MCTP2: variants seen among roughly 807,000 people sequenced by gnomAD.
MCTP2 encodes multiple C2 and transmembrane domain-containing protein 2.
Under a neutral mutation model 111.6 loss-of-function variants are expected in MCTP2, and 132 were observed. The observed-to-expected ratio is 1.18, with a 90% CI of 1.03 to 1.37. The LOEUF is 1.37. MCTP2 is among the 40% of genes most tolerant of loss of function. The pLI is 0.00. For synonymous variants in MCTP2, 395 were observed against 387.7 expected (o/e 1.02, Z -0.22); for missense variants, 1,183 against 1,067.9 (o/e 1.11, Z -1.50).
intron 1 of MCTP2, among the ~76,000 whole-genome samples, chr15:94,294,941 C>CTTTTTTTTTTTTTTTTTTTTTTT (rs71133001): frequency 1.1e-4 from 8 of 73,990 alleles, no homozygotes; most frequent in Non-Finnish European, 1.5e-4. Context: ...TTTTCTTTTC[C>CTTTTTTTTTTTTTTTTTTTTTTT]TTTTTTTTTT....
chr15:94,277,509 G>C (rs1435049930), intron 1 of MCTP2, among the ~76,000 whole-genome samples: 1 of 152,260 alleles, frequency 6.6e-6, no homozygotes, highest in South Asian at 2.1e-4. Flanking sequence ...ATGTTATCAA[G>C]CTATGAAAAG....
chr15:94,267,139 C>T (rs923979444), intron 1 of MCTP2, among the ~76,000 whole-genome samples: 2 of 152,172 alleles, frequency 1.3e-5, no homozygotes, highest in South Asian at 2.1e-4. Flanking sequence ...TTGAGAGATA[C>T]GTGCAGTCTT....
At position 94,476,728 on chromosome 15, in the gene MCTP2, C is replaced by G. The variant is rs541308484; in HGVS notation, c.2503C>G (p.Pro835Ala). 91 of 1,607,184 alleles carry G rather than the reference C, an allele frequency of 5.7e-5. No homozygotes were observed. Among genetic ancestry groups the G allele is most frequent in the Non-Finnish European group, 7.3e-5 (86 of 1,173,998 alleles). The change falls in exon 22 of 23, where the codon CCC (proline) becomes GCC (alanine). Residue 835 changes from proline (P) to alanine (A), a missense_variant. By Grantham distance (27) the Pro-to-Ala change is conservative. Coordinates refer to ENST00000357742, the MANE Select transcript of MCTP2 (RefSeq NM_001385001.1). ...TAAATTTACTAAGAAGCTTCGAAAT[C>G]CCTATTCCATCGACAATAATGAGCT... ...INKFTKKLRN[P>A]YSIDNNELLD...
At chr15:94,366,889 T>C (rs1249832394) in intron 10 of MCTP2, among the ~76,000 whole-genome samples, 3 of 152,150 alleles carry the variant, frequency 2.0e-5, no homozygotes, top group African/African-American at 7.2e-5. Flanking sequence ...TGTATTTAAA[T>C]GTGTTTGAGG....
At chr15:94,431,174 T>G (rs139678443) in intron 17 of MCTP2, among the ~76,000 whole-genome samples, 353 of 152,308 alleles carry the variant, frequency 2.3e-3, no homozygotes, top group African/African-American at 8.2e-3. Flanking sequence ...GTAATAAACT[T>G]ATCCAGGAAA....
rs746963356 is a variant in MCTP2 at position 94,245,247 on chromosome 15, CAT to C, written c.-66+13586_-66+13587del. Among the ~76,000 whole-genome samples the C allele has an allele frequency of 2.0e-4, 27 of 135,450 alleles. 1 individual carries two copies. Among genetic ancestry groups the C allele is most frequent in the South Asian group, 6.8e-4 (3 of 4,392 alleles). 88.9% of individuals were successfully genotyped at this position (135,450 alleles called of 152,430 possible). On this transcript the variant is annotated intron_variant, in intron 1 of 22. Transcript: ENST00000357742. ...ATATACATATGTATGTATATATACA[CAT>C]ATGTATATATACATATGTGTATATA... is the stretch of plus-strand genomic sequence containing the variant.
Position 94,243,183 on chromosome 15 carries a change from G to A in MCTP2, c.-66+11519G>A, listed in dbSNP as rs571637919. ...TGTATATACATACGTACGTATGTAC[G>A]TATGCGTATATACGTATGCGTATAT... On this transcript the variant is annotated intron_variant, in intron 1 of 22. Coordinates refer to ENST00000357742, the MANE Select transcript of MCTP2 (RefSeq NM_001385001.1). 8.1e-4 allele frequency among the ~76,000 whole-genome samples: 116 copies of A among 143,368 alleles called. 1 individual carries two copies. Among genetic ancestry groups the A allele is most frequent in the Non-Finnish European group, 1.5e-3 (95 of 64,650 alleles). The allele number at this position is 143,368 out of a possible 152,430, so 94.1% of individuals were successfully genotyped here.
At chr15:94,335,286 A>G (rs2077307592) in intron 4 of MCTP2, among the ~76,000 whole-genome samples, 1 of 149,478 alleles carries the variant, frequency 6.7e-6, no homozygotes, top group African/African-American at 2.5e-5. Flanking sequence ...TAAGTGGTGT[A>G]AAAAAAGAAA....
intron 4 of MCTP2, among the ~76,000 whole-genome samples, chr15:94,326,778 G>A (rs1406028375): frequency 3.4e-5 from 5 of 148,692 alleles, no homozygotes; most frequent in Non-Finnish European, 7.4e-5. Flanking sequence ...CTGTTGGCCA[G>A]GCTGGTCTCG....
intron 1 of MCTP2, among the ~76,000 whole-genome samples, chr15:94,276,073 T>A (rs1344602074): frequency 2.6e-5 from 4 of 152,084 alleles, no homozygotes; most frequent in Non-Finnish European, 5.9e-5. Flanking sequence ...CTTGATCTCC[T>A]GACCTTGTGA....
chr15:94,312,811 C>T (rs1215663314), intron 2 of MCTP2, among the ~76,000 whole-genome samples: 1 of 152,144 alleles, frequency 6.6e-6, no homozygotes, highest in Non-Finnish European at 1.5e-5. Flanking sequence ...CCAGAAAGCC[C>T]GTCCTTGTTT....
At chr15:94,474,532 A>G (rs1379324690) in intron 21 of MCTP2, among the ~76,000 whole-genome samples, 1 of 152,146 alleles carries the variant, frequency 6.6e-6, no homozygotes, top group East Asian at 1.9e-4. Context: ...AGGTATTCCT[A>G]CGTCACAACC....
intron 17 of MCTP2, among the ~76,000 whole-genome samples, chr15:94,406,238 A>C (rs963578188): frequency 6.6e-6 from 1 of 152,196 alleles, no homozygotes; most frequent in Non-Finnish European, 1.5e-5. Context: ...GGTGATTACT[A>C]TCTTCTTTTT....
rs569898257 is a variant in MCTP2 at position 94,369,333 on chromosome 15, G to A, written c.1489-754G>A. 2.6e-3 allele frequency among the ~76,000 whole-genome samples: 400 copies of A among 152,314 alleles called. 2 individuals carry two copies. Among genetic ancestry groups the A allele is most frequent in the African/African-American group, 9.3e-3 (385 of 41,558 alleles). On this transcript the variant is annotated intron_variant, in intron 11 of 22. Transcript: ENST00000357742. ...TATCTAATGATGACAGAAATAGCATGTCCAGAGGTTTTGAGGCAGTATCTT... is the reference window on the plus strand; with the variant it reads ...TATCTAATGATGACAGAAATAGCATATCCAGAGGTTTTGAGGCAGTATCTT...
At chr15:94,261,599 G>A (rs1369005908) in intron 1 of MCTP2, among the ~76,000 whole-genome samples, 1 of 152,192 alleles carries the variant, frequency 6.6e-6, no homozygotes, top group Non-Finnish European at 1.5e-5. Flanking sequence ...AAAGGTTGGT[G>A]TTTAGTTTCC....
At chr15:94,392,428 CTT>C (rs1306232505) in intron 14 of MCTP2, among the ~76,000 whole-genome samples, 4 of 151,380 alleles carry the variant, frequency 2.6e-5, no homozygotes, top group Admixed American at 1.3e-4. Flanking sequence ...AAGGGGATAA[CTT>C]TTCATACAAA....
intron 2 of MCTP2, among the ~76,000 whole-genome samples, chr15:94,313,868 C>T (rs2076259405): frequency 6.6e-6 from 1 of 152,198 alleles, no homozygotes; most frequent in Admixed American, 6.5e-5. Flanking sequence ...GAAACGTTTC[C>T]TTCCGAACGG....
intron 4 of MCTP2, among the ~76,000 whole-genome samples, chr15:94,334,785 T>A (rs1402450885): frequency 6.6e-6 from 1 of 152,124 alleles, no homozygotes; most frequent in African/African-American, 2.4e-5. Context: ...TGGCCTCAAG[T>A]GATCCTCCTG....
At chr15:94,371,968 A>G (rs2079514073) in intron 12 of MCTP2, among the ~76,000 whole-genome samples, 1 of 152,194 alleles carries the variant, frequency 6.6e-6, no homozygotes, top group South Asian at 2.1e-4. Flanking sequence ...TATCATCTCC[A>G]AAGAGTATTT....
Sources: gnomAD v4.1 joint callset for allele counts (sites outside exome capture counted in the v4.1 genomes callset) on GRCh38, gnomAD v4.1.1 for gene constraint, MANE v1.5 for transcripts, NCBI Gene and HGNC (gene_info 2026-07-23, HGNC 2026-07-21) for gene names.